The following CLPB variants were observed in gnomAD, a reference collection of about 807,000 sequenced individuals.
CLPB encodes ClpB family mitochondrial disaggregase.
In CLPB, 40 loss-of-function variants were observed where a neutral mutation model predicts 78.4. The observed-to-expected ratio is 0.51, with a 90% CI of 0.40 to 0.66. CLPB has a LOEUF of 0.66. Ranked by LOEUF, CLPB falls within the 30% of genes least tolerant of loss-of-function variation. The pLI, the probability that CLPB is intolerant of heterozygous loss-of-function variation, is 0.00. For missense variants in CLPB, 780 were observed against 886.9 expected, an observed-to-expected ratio of 0.88 and a Z score of 1.53; for synonymous variants, 333 against 348.0, an observed-to-expected ratio of 0.96 and a Z score of 0.48.
chr11:72,372,661 A>G (rs1441511424), intron 4 of CLPB, among the ~76,000 whole-genome samples: 2 of 152,174 alleles, frequency 1.3e-5, no homozygotes, highest in African/African-American at 4.8e-5. Context: ...GACATACTCA[A>G]TCAGAATCTC....
chr11:72,427,879 G>C (rs1048894404), intron 2 of CLPB, among the ~76,000 whole-genome samples: 14 of 152,140 alleles, frequency 9.2e-5, no homozygotes, highest in Non-Finnish European at 1.9e-4. Flanking sequence ...CAGGTCTGTT[G>C]GGCAGAGCTA....
At chr11:72,371,700 A>C (rs1951046007) in intron 4 of CLPB, among the ~76,000 whole-genome samples, 1 of 152,162 alleles carries the variant, frequency 6.6e-6, no homozygotes, top group Non-Finnish European at 1.5e-5. Flanking sequence ...TATAGGCATG[A>C]GCCACCACAC....
At position 72,293,019 on chromosome 11, in the gene CLPB, A is replaced by G; in HGVS notation, c.*348T>C. On this transcript the variant is annotated 3_prime_UTR_variant, in exon 16 of 16. Coordinates refer to ENST00000538039, the MANE Select transcript of CLPB (RefSeq NM_001258392.3). ...TGTGTTCTTAGCTGCCATACTTCTG[A>G]GCTTCCTGGGAACATGAGAAAGTCT... The G allele has an allele frequency of 4.6e-6, 1 of 219,416 alleles. No homozygotes were observed. The highest frequency in any genetic ancestry group is 9.2e-6 in the Non-Finnish European group (1 of 108,142). 13.6% of individuals were successfully genotyped at this position (219,416 alleles called of 1,614,324 possible).
In CLPB at chr11:72,319,310, C is replaced by T. The variant is rs1047055891; in HGVS notation, c.874-2090G>A. 7.5e-4 allele frequency among the ~76,000 whole-genome samples: 114 copies of T among 152,228 alleles called. 2 individuals carry two copies. Among genetic ancestry groups the T allele is most frequent in the Non-Finnish European group, 2.4e-4 (16 of 68,038 alleles). On this transcript the variant is annotated intron_variant, in intron 6 of 15. Transcript: ENST00000538039. The stretch of plus-strand genomic sequence containing the variant: ...GTTACAAGACCATGTTTATTTCTCT[C>T]TATAGTTCCAGTGCCTAGCAAAGGG...
At position 72,418,868 on chromosome 11, in the gene CLPB, AAAAAG is replaced by A. The variant is rs1554971521; in HGVS notation, c.455+11439_455+11443del. Among the ~76,000 whole-genome samples the A allele has an allele frequency of 5.3e-5, 8 of 151,700 alleles. No individual in the cohort carries two copies. The East Asian group carries it at 5.8e-4, about 11-fold the overall frequency. ...GACTCCATCTCCAAAAAAAAAAAAA[AAAAAG>A]AAAAGAAAAGAAATCCACTTGTATT... On this transcript the variant is annotated intron_variant, in intron 2 of 15. Coordinates refer to ENST00000538039, the MANE Select transcript of CLPB (RefSeq NM_001258392.3).
intron 5 of CLPB, among the ~76,000 whole-genome samples, chr11:72,347,281 ACT>A (rs1335658487): frequency 2.0e-5 from 3 of 152,174 alleles, no homozygotes; most frequent in East Asian, 1.9e-4. Flanking sequence ...ACACAGCAAG[ACT>A]CTGTCTCTAC....
chr11:72,423,094 T>G (rs1393428748), intron 2 of CLPB, among the ~76,000 whole-genome samples: 1 of 152,230 alleles, frequency 6.6e-6, no homozygotes, highest in African/African-American at 2.4e-5. Flanking sequence ...TGAAGTTCTT[T>G]ATTTTCTAAA....
chr11:72,382,274 C>T (rs1854939520), intron 3 of CLPB, among the ~76,000 whole-genome samples: 3 of 152,168 alleles, frequency 2.0e-5, no homozygotes, highest in Admixed American at 2.0e-4. Context: ...CGTTCCAGGC[C>T]AGCCCTTGTG....
In CLPB at chr11:72,293,112, G is replaced by C. The variant is rs75128106; in HGVS notation, c.*255C>G. The stretch of plus-strand genomic sequence containing the variant: ...ACCTCCATCCCTCCTTGCCTTGAAG[G>C]GGGTGGAAAGGCAGCTCCTCTCCTG... On this transcript the variant is annotated 3_prime_UTR_variant, in exon 16 of 16. Coordinates refer to ENST00000538039, the MANE Select transcript of CLPB (RefSeq NM_001258392.3). 15 of 444,128 alleles carry C rather than the reference G, an allele frequency of 3.4e-5. No individual in the cohort carries two copies. The highest frequency in any genetic ancestry group is 1.5e-4 in the East Asian group (4 of 27,518). The allele number at this position is 444,128 out of a possible 1,614,324, so 27.5% of individuals were successfully genotyped here. A position where few individuals can be genotyped will look rare whatever the true frequency, so the allele number is the denominator to read the frequency against.
At position 72,309,540 on chromosome 11, in the gene CLPB, G is replaced by A. The variant is rs147093602; in HGVS notation, c.989-936C>T. 1.4e-4 allele frequency among the ~76,000 whole-genome samples: 22 copies of A among 152,220 alleles called. No homozygotes were observed. In the South Asian group the frequency reaches 3.1e-3, roughly 22 times the overall value. On this transcript the variant is annotated intron_variant, in intron 7 of 15. Transcript: ENST00000538039. ...CTATTCAAGACCCACACAAATACCCGGAGAGGAAAGTAGTATTCTCAACTC... is the reference window on the plus strand; with the variant it reads ...CTATTCAAGACCCACACAAATACCCAGAGAGGAAAGTAGTATTCTCAACTC...
chr11:72,371,646 G>A (rs2135653232), intron 4 of CLPB, among the ~76,000 whole-genome samples: 2 of 152,194 alleles, frequency 1.3e-5, no homozygotes. Flanking sequence ...TGAACACCTG[G>A]GCTCAAGCAG....
rs143733426 is a variant in CLPB at position 72,325,016 on chromosome 11, T to C, written c.873+4691A>G. 5.6e-3 allele frequency among the ~76,000 whole-genome samples: 846 copies of C among 152,096 alleles called. 8 individuals are homozygous for C. Among genetic ancestry groups the C allele is most frequent in the African/African-American group, 0.02 (811 of 41,474 alleles). On this transcript the variant is annotated intron_variant, in intron 6 of 15. Coordinates refer to ENST00000538039, the MANE Select transcript of CLPB (RefSeq NM_001258392.3). ...TATTCCTGCCGATGCATTCTTTGGG[T>C]GTGATTAAAATGAGCAATAAATTCC... is the stretch of plus-strand genomic sequence containing the variant.
intron 2 of CLPB, among the ~76,000 whole-genome samples, chr11:72,421,692 C>T (rs1856203900): frequency 1.3e-5 from 2 of 152,220 alleles, no homozygotes; most frequent in Admixed American, 1.3e-4. Flanking sequence ...CTGCTCATGG[C>T]CAACTGCCTG....
intron 5 of CLPB, among the ~76,000 whole-genome samples, chr11:72,352,072 T>C (rs1950624254): frequency 6.6e-6 from 1 of 152,188 alleles, no homozygotes; most frequent in African/African-American, 2.4e-5. Flanking sequence ...AGCACTACCC[T>C]GACTTCTTAT....
chr11:72,403,166 A>G (rs1855613726), intron 2 of CLPB, 114 bp from the exon 3 acceptor site: 2 of 981,984 alleles, frequency 2.0e-6, no homozygotes, highest in African/African-American at 3.2e-5. Flanking sequence ...CATGGATGTA[A>G]AAGTAGAAAC....
intron 5 of CLPB, 38 bp from the exon 6 acceptor site, chr11:72,329,842 C>A (rs375295532): frequency 2.6e-6 from 4 of 1,517,816 alleles, no homozygotes; most frequent in South Asian, 2.3e-5. Flanking sequence ...GCTCTATGAA[C>A]GATCAGTGGG....
At chr11:72,317,018 T>C in intron 7 of CLPB, 88 bp downstream of exon 7, 1 of 800,968 alleles carries the variant, frequency 1.2e-6, no homozygotes, top group Non-Finnish European at 2.0e-6. Flanking sequence ...TTTTTAATAT[T>C]ATTAACAGCG....
intron 9 of CLPB, among the ~76,000 whole-genome samples, chr11:72,306,061 AATGCTATCTCGGTCGGAGCGCATTAGC>A (rs1394770291): frequency 6.6e-6 from 1 of 152,190 alleles, no homozygotes; most frequent in Non-Finnish European, 1.5e-5. Context: ...TTGACTTAAA[AATGCTATCTCGGTCGGAGCGCATTAGC>A]ATGCTATGCG....
chr11:72,421,697 T>C (rs1468088419), intron 2 of CLPB, among the ~76,000 whole-genome samples: 1 of 152,206 alleles, frequency 6.6e-6, no homozygotes, highest in African/African-American at 2.4e-5. Flanking sequence ...CATGGCCAAC[T>C]GCCTGCCTCT....
Sources: gnomAD v4.1 joint callset for allele counts (sites outside exome capture counted in the v4.1 genomes callset) on GRCh38, gnomAD v4.1.1 for gene constraint, MANE v1.5 for transcripts, NCBI Gene and HGNC (gene_info 2026-07-23, HGNC 2026-07-21) for gene names.